AK8: variants seen among roughly 807,000 people sequenced by gnomAD.
The protein encoded by AK8 is adenylate kinase 8.
AK8 carries 44 observed loss-of-function variants against 54.6 expected under a neutral mutation model. The ratio of observed to expected loss-of-function variants is 0.81; its 90% CI spans 0.63 to 1.04. AK8 has a LOEUF of 1.04. AK8 is among the 50% of genes least tolerant of loss of function. The pLI, the probability that AK8 is intolerant of heterozygous loss-of-function variation, is 0.00. For missense variants in AK8, 555 were observed against 613.6 expected, an observed-to-expected ratio of 0.90 and a Z score of 1.01; for synonymous variants, 239 against 245.6, an observed-to-expected ratio of 0.97 and a Z score of 0.25.
At chr9:132,810,111 G>A (rs1229476658) in intron 10 of AK8, among the ~76,000 whole-genome samples, 1 of 152,208 alleles carries the variant, frequency 6.6e-6, no homozygotes, top group Non-Finnish European at 1.5e-5. Context: ...GAATGTAAAT[G>A]CATTCTTTGT....
intron 2 of AK8, among the ~76,000 whole-genome samples, chr9:132,867,895 C>T (rs554985390): frequency 4.9e-4 from 75 of 152,246 alleles, no homozygotes; most frequent in African/African-American, 1.8e-3. Flanking sequence ...TGGCTGCTGG[C>T]GATGGGAAAA....
chr9:132,778,319 G>A (rs1839314285), intron 11 of AK8, among the ~76,000 whole-genome samples: 1 of 152,184 alleles, frequency 6.6e-6, no homozygotes, highest in African/African-American at 2.4e-5. Context: ...CAGGCCCAGA[G>A]CTGCAGTAAT....
At position 132,863,654 on chromosome 9, in the gene AK8, G is replaced by A; in HGVS notation, c.333+11C>T. 6.3e-7 allele frequency: 1 copy of A among 1,598,494 alleles called. No homozygotes were observed. The highest frequency in any genetic ancestry group is 1.1e-5 in the South Asian group (1 of 90,540). ...CTGTGTGCCTACCCCTGTCCCCGGG[G>A]CCAGTCCTACCTTCCTTTGCAGATA... On this transcript the variant is annotated intron_variant, in intron 4 of 12. Coordinates refer to ENST00000298545, the MANE Select transcript of AK8 (RefSeq NM_152572.3).
chr9:132,731,227 C>G (rs1420224301), intron 11 of AK8, among the ~76,000 whole-genome samples: 1 of 152,198 alleles, frequency 6.6e-6, no homozygotes, highest in East Asian at 1.9e-4. Flanking sequence ...TTCAGCAGTG[C>G]CCAGGCTAGC....
At chr9:132,812,245 T>TC (rs1841050592) in intron 10 of AK8, among the ~76,000 whole-genome samples, 5 of 146,480 alleles carry the variant, frequency 3.4e-5, no homozygotes, top group Admixed American at 3.4e-4. Context: ...TTTTTTTTTT[T>TC]TTTTTTGAGA....
chr9:132,836,446 A>T (rs1020193099), intron 5 of AK8, among the ~76,000 whole-genome samples: 2 of 152,250 alleles, frequency 1.3e-5, no homozygotes, highest in Non-Finnish European at 1.5e-5. Context: ...ACTTAATATT[A>T]AAAAAAATTG....
intron 5 of AK8, among the ~76,000 whole-genome samples, chr9:132,840,278 C>T (rs1244309947): frequency 6.6e-6 from 1 of 152,094 alleles, no homozygotes; most frequent in Non-Finnish European, 1.5e-5. Flanking sequence ...CCTCACAGCC[C>T]AGCTCCATCT....
Position 132,837,138 on chromosome 9 carries a change from G to C in AK8, c.403-8412C>G, listed in dbSNP as rs1206892367. ...GATCGAGACCATCCTGGCCAACGTG[G>C]TGAAACCCCATCTCTACTAAATATA... On this transcript the variant is annotated intron_variant, in intron 5 of 12. Transcript: ENST00000298545. The surrounding 1 kb of genome is among the most constrained non-coding windows in gnomAD (Gnocchi z 4.3). 6.6e-6 allele frequency among the ~76,000 whole-genome samples: 1 copy of C among 152,178 alleles called. No homozygotes were observed. The highest frequency in any genetic ancestry group is 2.1e-4 in the South Asian group (1 of 4,822).
In AK8 at chr9:132,726,090, G is replaced by C. The variant is rs73659462; in HGVS notation, c.1203-165C>G. On this transcript the variant is annotated intron_variant, in intron 12 of 12. Coordinates refer to ENST00000298545, the MANE Select transcript of AK8 (RefSeq NM_152572.3). ...CTGTGTGCACACCTTTGACTGATGG[G>C]CCCTGGAGCTACAGAGAGATCCAAG... Among the ~76,000 whole-genome samples, 1,166 of 152,244 alleles carry C rather than the reference G, an allele frequency of 7.7e-3. 20 individuals carry two copies. Among genetic ancestry groups the C allele is most frequent in the African/African-American group, 0.027 (1,103 of 41,530 alleles).
chr9:132,731,013 T>C (rs1836819810), intron 11 of AK8, among the ~76,000 whole-genome samples: 1 of 152,208 alleles, frequency 6.6e-6, no homozygotes, highest in Non-Finnish European at 1.5e-5. Flanking sequence ...CGCCTCCCTG[T>C]GGCTTGGCTG....
chr9:132,827,196 G>A (rs1712267528), intron 7 of AK8, 142 bp from the exon 8 acceptor site: 2 of 739,766 alleles, frequency 2.7e-6, no homozygotes, highest in Admixed American at 2.3e-5. Context: ...GGACACCGTT[G>A]CTCAACACCA....
At chr9:132,863,144 G>A (rs1179259613) in intron 4 of AK8, among the ~76,000 whole-genome samples, 1 of 152,256 alleles carries the variant, frequency 6.6e-6, no homozygotes, top group Non-Finnish European at 1.5e-5. Context: ...GGAGGGACAG[G>A]GGGAATGGGC....
intron 5 of AK8, among the ~76,000 whole-genome samples, chr9:132,844,520 C>T (rs756952837): frequency 1.4e-4 from 22 of 152,006 alleles, no homozygotes; most frequent in African/African-American, 4.6e-4. Flanking sequence ...AGCAAGAAAG[C>T]CTGTTTATTT....
chr9:132,834,176 G>A (rs576733257), intron 5 of AK8, among the ~76,000 whole-genome samples: 4 of 152,210 alleles, frequency 2.6e-5, no homozygotes, highest in South Asian at 2.1e-4. Flanking sequence ...CAGGCTGAAC[G>A]CGGCCTAATG....
Position 132,733,596 on chromosome 9 carries a change from C to T in AK8, c.1122-6062G>A, listed in dbSNP as rs139495197. On this transcript the variant is annotated intron_variant, in intron 11 of 12. Transcript: ENST00000298545. Reference sequence around the variant, plus strand: ...TGGAGCACGCTGCTGGGGACAGCCTCGCTGCGGAGGGCCCTGCTCCATGCT... The same window carrying T: ...TGGAGCACGCTGCTGGGGACAGCCTTGCTGCGGAGGGCCCTGCTCCATGCT... Among the ~76,000 whole-genome samples, 701 of 152,352 alleles carry T rather than the reference C, an allele frequency of 4.6e-3. 4 individuals are homozygous for T. The highest frequency in any genetic ancestry group is 0.016 in the African/African-American group (654 of 41,596).
At chr9:132,820,469 A>G (rs978599507) in intron 9 of AK8, among the ~76,000 whole-genome samples, 8 of 152,208 alleles carry the variant, frequency 5.3e-5, no homozygotes, top group Non-Finnish European at 7.3e-5. Context: ...GGTTTATCAC[A>G]ACTTATTTCA....
intron 5 of AK8, among the ~76,000 whole-genome samples, chr9:132,852,211 C>T (rs1034273477): frequency 1.3e-5 from 2 of 152,170 alleles, no homozygotes; most frequent in Non-Finnish European, 2.9e-5. Flanking sequence ...TGGTGGCTCA[C>T]GCCTGTAATC....
chr9:132,817,789 G>A (rs745607687), intron 9 of AK8, among the ~76,000 whole-genome samples: 1 of 152,146 alleles, frequency 6.6e-6, no homozygotes, highest in Non-Finnish European at 1.5e-5. Flanking sequence ...AGAGAGGCAG[G>A]CAGAAAAAAG....
At chr9:132,825,695 C>T (rs1356787347) in intron 8 of AK8, among the ~76,000 whole-genome samples, 1 of 152,190 alleles carries the variant, frequency 6.6e-6, no homozygotes, top group Non-Finnish European at 1.5e-5. Context: ...GAGGTTTAAG[C>T]ACCGAGTCTA....
Sources: allele counts gnomAD v4.1 joint callset (sites outside exome capture counted in the v4.1 genomes callset), GRCh38; gene constraint gnomAD v4.1.1; non-coding constraint Gnocchi (gnomAD v3.1); transcripts MANE v1.5; gene names NCBI Gene and HGNC (gene_info 2026-07-23, HGNC 2026-07-21).